PDE4B: variants seen among roughly 807,000 people sequenced by gnomAD.
PDE4B encodes phosphodiesterase 4B, also known as 3',5'-cyclic-AMP phosphodiesterase 4B.
Under a neutral mutation model 82.2 loss-of-function variants are expected in PDE4B, and 20 were observed. The ratio of observed to expected loss-of-function variants is 0.24; its 90% CI spans 0.17 to 0.35. The LOEUF (loss-of-function observed/expected upper bound fraction) is 0.35. Among genes scored for constraint, PDE4B ranks in the 10% least tolerant of loss-of-function variants. The pLI is 1.00. For missense variants in PDE4B, 655 were observed against 907.2 expected, an observed-to-expected ratio of 0.72 and a Z score of 3.57; for synonymous variants, 320 against 318.9, an observed-to-expected ratio of 1.00 and a Z score of -0.04.
chr1:65,885,538 AG>A, intron 1 of PDE4B, among the ~76,000 whole-genome samples: 2 of 152,304 alleles, frequency 1.3e-5, no homozygotes, highest in East Asian at 3.9e-4. Context: ...GCCATAAAAA[AG>A]GATGAGTTCA....
At chr1:66,170,875 T>C (rs1235044765) in intron 3 of PDE4B, among the ~76,000 whole-genome samples, 1 of 152,182 alleles carries the variant, frequency 6.6e-6, no homozygotes, top group Non-Finnish European at 1.5e-5. Context: ...TAGTACCAGG[T>C]TTACATGTAT....
chr1:66,202,464 A>T (rs1649072089), intron 3 of PDE4B, among the ~76,000 whole-genome samples: 2 of 152,086 alleles, frequency 1.3e-5, no homozygotes, highest in Admixed American at 1.3e-4. Flanking sequence ...GTCTTCCATT[A>T]TTATTTTGTG....
intron 7 of PDE4B, among the ~76,000 whole-genome samples, chr1:66,299,188 C>T (rs1048120520): frequency 3.9e-5 from 6 of 152,112 alleles, no homozygotes; most frequent in African/African-American, 1.4e-4. Flanking sequence ...CTATCTAGCT[C>T]TAATTTTGTA....
chr1:66,349,489 C>G (rs1328785163), intron 8 of PDE4B, among the ~76,000 whole-genome samples: 2 of 152,152 alleles, frequency 1.3e-5, no homozygotes, highest in African/African-American at 4.8e-5. Flanking sequence ...CAAAGGTTTG[C>G]TGCAGATGTT....
At chr1:65,955,285 G>A (rs1411667587) in intron 3 of PDE4B, among the ~76,000 whole-genome samples, 1 of 152,086 alleles carries the variant, frequency 6.6e-6, no homozygotes, top group African/African-American at 2.4e-5. Context: ...TTTGTTCTGA[G>A]GACTGGGAAG....
chr1:65,853,013 A>G (rs12130802), intron 1 of PDE4B, among the ~76,000 whole-genome samples: 114 of 151,836 alleles, frequency 7.5e-4, no homozygotes, highest in African/African-American at 2.7e-3. Flanking sequence ...ACATTTAGCT[A>G]TTTTCCTTTT....
intron 3 of PDE4B, among the ~76,000 whole-genome samples, chr1:66,113,115 G>A (rs975292062): frequency 2.0e-4 from 31 of 152,142 alleles, no homozygotes; most frequent in African/African-American, 7.5e-4. Context: ...TGTGCGAATT[G>A]CATCCAAAAA....
chr1:66,180,099 AAC>A (rs1647028582), intron 3 of PDE4B, among the ~76,000 whole-genome samples: 1 of 152,234 alleles, frequency 6.6e-6, no homozygotes, highest in Non-Finnish European at 1.5e-5. Context: ...AGAAATGAGT[AAC>A]ATGTTAATAC....
chr1:66,067,973 TAGG>T (rs1390515989), intron 3 of PDE4B, among the ~76,000 whole-genome samples: 2 of 148,590 alleles, frequency 1.3e-5, no homozygotes, highest in Non-Finnish European at 3.0e-5. Flanking sequence ...GAGATAGCAT[TAGG>T]AGGTATACCT....
At chr1:66,194,613 G>A (rs12035583) in intron 3 of PDE4B, among the ~76,000 whole-genome samples, 1 of 151,960 alleles carries the variant, frequency 6.6e-6, no homozygotes, top group Non-Finnish European at 1.5e-5. Context: ...ATAAGTTTTG[G>A]TATCAAACAA....
chr1:66,002,934 G>A (rs1216198653), intron 3 of PDE4B, among the ~76,000 whole-genome samples: 2 of 152,116 alleles, frequency 1.3e-5, no homozygotes, highest in Non-Finnish European at 2.9e-5. Context: ...ATGTATTAAA[G>A]TACTTAGAAC....
chr1:66,090,148 A>G (rs1330243750), intron 3 of PDE4B, among the ~76,000 whole-genome samples: 1 of 152,046 alleles, frequency 6.6e-6, no homozygotes, highest in African/African-American at 2.4e-5. Context: ...TAATATACAG[A>G]TAACAAAACT....
chr1:66,223,711 C>G (rs1570502776), intron 3 of PDE4B, among the ~76,000 whole-genome samples: 1 of 151,950 alleles, frequency 6.6e-6, no homozygotes, highest in Middle Eastern at 3.4e-3. Context: ...CAATGCACTG[C>G]AGTGCATAGA....
At chr1:65,879,554 C>G (rs1646687147) in intron 1 of PDE4B, among the ~76,000 whole-genome samples, 1 of 151,862 alleles carries the variant, frequency 6.6e-6, no homozygotes, top group Non-Finnish European at 1.5e-5. Context: ...AATCAGAAGT[C>G]TAGAAAAGCT....
intron 3 of PDE4B, among the ~76,000 whole-genome samples, chr1:66,237,579 A>G (rs1652558376): frequency 6.6e-6 from 1 of 152,206 alleles, no homozygotes; most frequent in Non-Finnish European, 1.5e-5. Context: ...AACCAGTCTC[A>G]TTTTCTGAAA....
chr1:66,288,646 T>G (rs191455177), intron 7 of PDE4B, among the ~76,000 whole-genome samples: 4 of 152,106 alleles, frequency 2.6e-5, no homozygotes, highest in Admixed American at 6.6e-5. Flanking sequence ...ATTAATTGGG[T>G]GTTACAGGTT....
At chr1:65,917,250 A>G (rs1171349311) in intron 2 of PDE4B, among the ~76,000 whole-genome samples, 1 of 152,184 alleles carries the variant, frequency 6.6e-6, no homozygotes, top group Non-Finnish European at 1.5e-5. Flanking sequence ...CCTTATATGA[A>G]CTAGGATAGG....
intron 1 of PDE4B, among the ~76,000 whole-genome samples, chr1:65,902,918 A>ACCAAACT (rs1183428720): frequency 6.6e-6 from 1 of 152,216 alleles, no homozygotes; most frequent in African/African-American, 2.4e-5. Flanking sequence ...TAGGCACTGT[A>ACCAAACT]GTGGAACAAA....
In PDE4B at chr1:65,991,638, T is replaced by G. The variant is rs140219762; in HGVS notation, c.281+72803T>G. ...TATTGTTTCTACTTCCTCATATGCCTTTTAAAGTATAGAAGCTGTATTCCA... is the reference window on the plus strand; with the variant it reads ...TATTGTTTCTACTTCCTCATATGCCGTTTAAAGTATAGAAGCTGTATTCCA... On this transcript the variant is annotated intron_variant, in intron 3 of 16. Transcript: ENST00000341517. 8.5e-3 allele frequency among the ~76,000 whole-genome samples: 1,297 copies of G among 152,326 alleles called. 6 individuals carry two copies. The highest frequency in any genetic ancestry group is 0.014 in the Non-Finnish European group (933 of 68,038).
Sources: gnomAD v4.1 joint callset for allele counts (sites outside exome capture counted in the v4.1 genomes callset) on GRCh38, gnomAD v4.1.1 for gene constraint, MANE v1.5 for transcripts, NCBI Gene and HGNC (gene_info 2026-07-23, HGNC 2026-07-21) for gene names.